The following RAPGEF5 variants were observed in gnomAD, a reference collection of about 807,000 sequenced individuals.
RAPGEF5 encodes M-Ras-regulated GEF.
In RAPGEF5, 65 loss-of-function variants were observed where a neutral mutation model predicts 125.2. The ratio of observed to expected loss-of-function variants is 0.52; its 90% confidence interval spans 0.43 to 0.64. The LOEUF is 0.64. RAPGEF5 is among the 30% of genes least tolerant of loss of function. RAPGEF5 has a pLI of 0.00. For missense variants in RAPGEF5, 958 were observed against 1,048.1 expected (o/e 0.91, Z 1.19); for synonymous variants, 391 against 385.9 (o/e 1.01, Z -0.16).
intron 7 of RAPGEF5, among the ~76,000 whole-genome samples, chr7:22,253,087 T>C (rs1610046): frequency 0.39 from 59,058 of 151,950 alleles, 12,403 homozygotes; most frequent in East Asian, 0.74. Context: ...TCTCTGGAAA[T>C]GTTAGAACAA....
chr7:22,186,925 G>T (rs909299281), intron 11 of RAPGEF5, among the ~76,000 whole-genome samples: 1 of 152,136 alleles, frequency 6.6e-6, no homozygotes, highest in African/African-American at 2.4e-5. Context: ...ATAAATCAAA[G>T]CTATTCTTTA....
chr7:22,313,910 G>A (rs1197377575), intron 3 of RAPGEF5, among the ~76,000 whole-genome samples: 3 of 152,168 alleles, frequency 2.0e-5, no homozygotes, highest in East Asian at 3.9e-4. Context: ...ACTTGGTCTG[G>A]GCTCTAACCT....
chr7:22,207,337 T>A (rs2128129686), intron 9 of RAPGEF5, among the ~76,000 whole-genome samples: 2 of 152,326 alleles, frequency 1.3e-5, no homozygotes, highest in South Asian at 4.1e-4. Flanking sequence ...TAAACTTAGT[T>A]AAAGATTTTT....
In RAPGEF5 at chr7:22,357,040, G is replaced by A. The variant is rs1784435889; in HGVS notation, c.21C>T (p.Ser7=). ...TCTCGCACGGCGGCTGCATCTTGAC[G>A]GAGCCCACGGCCATCCTCATGCCCT... The part of the protein sequence containing the change: MRMAVG[S]VKMQPPCESP... Residue 7 remains serine, a synonymous_variant, in exon 1 of 26, where the codon TCC becomes TCT. Transcript: ENST00000665637. 6 of 1,032,700 alleles carry A rather than the reference G, an allele frequency of 5.8e-6. No homozygotes were observed. Among genetic ancestry groups the A allele is most frequent in the Non-Finnish European group, 7.0e-6 (6 of 862,300 alleles). 64.0% of individuals were successfully genotyped at this position (1,032,700 alleles called of 1,614,324 possible).
intron 9 of RAPGEF5, among the ~76,000 whole-genome samples, chr7:22,196,327 G>T (rs965465554): frequency 6.6e-5 from 10 of 152,160 alleles, no homozygotes; most frequent in Admixed American, 5.9e-4. Flanking sequence ...CATAGTTGAG[G>T]TTCTGGGTAT....
chr7:22,267,018 A>G lies in RAPGEF5; in HGVS notation c.748-6T>C. 1.2e-6 allele frequency: 2 copies of G among 1,605,384 alleles called. No individual in the cohort carries two copies. The highest frequency in any genetic ancestry group is 1.7e-4 in the Middle Eastern group (1 of 6,046). On this transcript the variant is annotated splice_region_variant and splice_polypyrimidine_tract_variant and intron_variant, in intron 6 of 25. Transcript: ENST00000665637. The stretch of plus-strand genomic sequence containing the variant: ...GCTGCTAGCTCTCTCTGCACCTAAT[A>G]AAATATTAGGGGGGAAAATCAAATT...
intron 3 of RAPGEF5, among the ~76,000 whole-genome samples, chr7:22,310,683 C>T (rs1048375688): frequency 6.7e-6 from 1 of 150,224 alleles, no homozygotes; most frequent in Non-Finnish European, 1.5e-5. Flanking sequence ...ATTCTTCAAA[C>T]AAAGATTGAA....
chr7:22,272,214 G>A (rs1562500714), intron 6 of RAPGEF5, among the ~76,000 whole-genome samples: 3 of 151,516 alleles, frequency 2.0e-5, no homozygotes, highest in South Asian at 4.2e-4. Flanking sequence ...TATGGTGCAC[G>A]CACCCGTAAT....
In RAPGEF5 at chr7:22,167,051, T is replaced by C; in HGVS notation, c.1283+19A>G. 1 of 1,587,618 alleles carries C rather than the reference T, an allele frequency of 6.3e-7. No individual in the cohort carries two copies. The highest frequency in any genetic ancestry group is 8.6e-7 in the Non-Finnish European group (1 of 1,157,104). ...CTGAGAGGAAGTGGACACAGCAGCCTGAAGATAATGAAGGATATTGCCTTA... is the reference window on the plus strand; with the variant it reads ...CTGAGAGGAAGTGGACACAGCAGCCCGAAGATAATGAAGGATATTGCCTTA... On this transcript the variant is annotated intron_variant, in intron 12 of 25. Coordinates refer to ENST00000665637, the MANE Select transcript of RAPGEF5 (RefSeq NM_012294.5).
intron 11 of RAPGEF5, among the ~76,000 whole-genome samples, chr7:22,191,271 T>A (rs1180608984): frequency 6.6e-6 from 1 of 152,208 alleles, no homozygotes; most frequent in African/African-American, 2.4e-5. Context: ...CATGGTGGAT[T>A]TTCTGTTGTG....
chr7:22,185,918 G>A (rs1043902989), intron 11 of RAPGEF5, among the ~76,000 whole-genome samples: 2 of 151,684 alleles, frequency 1.3e-5, no homozygotes, highest in African/African-American at 4.9e-5. Flanking sequence ...GCAGTGGTGC[G>A]ATCTCAGCTC....
At chr7:22,130,093 G>C (rs750163256) in intron 24 of RAPGEF5, among the ~76,000 whole-genome samples, 28 of 152,184 alleles carry the variant, frequency 1.8e-4, no homozygotes, top group Non-Finnish European at 3.5e-4. Flanking sequence ...TTCTGCAAGA[G>C]TTCACACAAA....
intron 9 of RAPGEF5, among the ~76,000 whole-genome samples, chr7:22,200,268 CA>C (rs1785246386): frequency 6.6e-6 from 1 of 151,658 alleles, no homozygotes; most frequent in South Asian, 2.1e-4. Flanking sequence ...AATTTGCTGA[CA>C]ATGTATCTCA....
chr7:22,270,994 A>T (rs1164908848), intron 6 of RAPGEF5, among the ~76,000 whole-genome samples: 2 of 152,146 alleles, frequency 1.3e-5, no homozygotes, highest in Non-Finnish European at 2.9e-5. Context: ...AGGGACTGTA[A>T]ACCTCTACTA....
intron 9 of RAPGEF5, among the ~76,000 whole-genome samples, chr7:22,196,434 G>A (rs1785148906): frequency 6.6e-6 from 1 of 152,172 alleles, no homozygotes; most frequent in Non-Finnish European, 1.5e-5. Flanking sequence ...ATGAAATGCA[G>A]GTAAAGTATT....
chr7:22,180,116 T>C (rs1463147299), intron 11 of RAPGEF5, among the ~76,000 whole-genome samples: 1 of 152,184 alleles, frequency 6.6e-6, no homozygotes, highest in Non-Finnish European at 1.5e-5. Flanking sequence ...TTGACAATTA[T>C]ACAATGCGTT....
Position 22,194,006 on chromosome 7 carries a change from C to A in RAPGEF5, c.1024G>T (p.Val342Phe), listed in dbSNP as rs765233745. 10 of 1,613,764 alleles carry A rather than the reference C, an allele frequency of 6.2e-6. No homozygotes were observed. In the Admixed American group the frequency reaches 1.5e-4, roughly 24 times the overall value. ...AGGACGCTCTGGTCTTGCTCTTTAA[C>A]CTGAACAGTCGTCACTTCATCATCT... ...HQDDEVTTVQ[V>F]KEQDQSVLVL... The change falls in exon 10 of 26, where the codon GTT (valine) becomes TTT (phenylalanine). Residue 342 changes from valine (V) to phenylalanine (F), a missense_variant. By Grantham distance (50) the Val-to-Phe change is conservative. Transcript: ENST00000665637.
chr7:22,291,066 G>A (rs936334252), intron 6 of RAPGEF5, 109 bp downstream of exon 6: 26 of 1,254,600 alleles, frequency 2.1e-5, no homozygotes, highest in Admixed American at 6.4e-5. Context: ...ACAATGATGA[G>A]CAGCCACAGG....
chr7:22,246,880 AG>A (rs559078109), intron 7 of RAPGEF5, among the ~76,000 whole-genome samples: 54 of 152,352 alleles, frequency 3.5e-4, no homozygotes, highest in African/African-American at 1.2e-3. Context: ...ACAATTGAAC[AG>A]GAAAAACAAA....
Sources: allele counts gnomAD v4.1 joint callset (sites outside exome capture counted in the v4.1 genomes callset), GRCh38; gene constraint gnomAD v4.1.1; transcripts MANE v1.5; gene names NCBI Gene and HGNC (gene_info 2026-07-23, HGNC 2026-07-21).